The following AGBL1 variants were observed in gnomAD, a reference collection of about 807,000 sequenced individuals.
The protein encoded by AGBL1 is AGBL carboxypeptidase 1.
In AGBL1, 130 loss-of-function variants were observed where a neutral mutation model predicts 118.9. The observed-to-expected ratio is 1.09, with a 90% CI of 0.95 to 1.26. The LOEUF (loss-of-function observed/expected upper bound fraction) is 1.26. Among genes scored for constraint, AGBL1 ranks in the 50% most tolerant of loss-of-function variants. AGBL1 has a pLI of 0.00. For synonymous variants in AGBL1, 555 were observed against 478.9 expected (o/e 1.16, Z -2.08); for missense variants, 1,584 against 1,298.1 (o/e 1.22, Z -3.38).
At chr15:86,760,750 C>T (rs1025152143) in intron 22 of AGBL1, among the ~76,000 whole-genome samples, 2 of 152,018 alleles carry the variant, frequency 1.3e-5, no homozygotes, top group African/African-American at 4.8e-5. Context: ...AACTTCCTGA[C>T]AGATAAGGAA....
chr15:86,714,599 C>T (rs1168707408), intron 22 of AGBL1, among the ~76,000 whole-genome samples: 1 of 152,194 alleles, frequency 6.6e-6, no homozygotes, highest in African/African-American at 2.4e-5. Flanking sequence ...AAAAAGTTTA[C>T]AGACCCTGAA....
At chr15:86,160,780 C>G (rs2077257050) in intron 5 of AGBL1, among the ~76,000 whole-genome samples, 1 of 152,170 alleles carries the variant, frequency 6.6e-6, no homozygotes, top group Non-Finnish European at 1.5e-5. Flanking sequence ...ACATACGGGT[C>G]TCACTCAGTC....
intron 22 of AGBL1, among the ~76,000 whole-genome samples, chr15:86,743,440 G>A (rs2077708773): frequency 1.3e-5 from 2 of 151,996 alleles, no homozygotes; most frequent in African/African-American, 4.8e-5. Flanking sequence ...CACCTGGGCT[G>A]TTTTTCCCCT....
intron 19 of AGBL1, among the ~76,000 whole-genome samples, chr15:86,542,528 G>A (rs925005927): frequency 5.3e-5 from 8 of 151,800 alleles, no homozygotes; most frequent in Admixed American, 5.2e-4. Context: ...CACCATGCCT[G>A]GCCAATTTTT....
At chr15:86,778,121 G>A (rs964914941) in intron 22 of AGBL1, among the ~76,000 whole-genome samples, 17 of 152,062 alleles carry the variant, frequency 1.1e-4, no homozygotes, top group Middle Eastern at 3.2e-3. Flanking sequence ...CCCCTGAGCC[G>A]TAAAACCAGC....
At chr15:86,742,359 G>C (rs1037577144) in intron 22 of AGBL1, among the ~76,000 whole-genome samples, 2 of 152,132 alleles carry the variant, frequency 1.3e-5, no homozygotes, top group Non-Finnish European at 2.9e-5. Flanking sequence ...GAGTCCCTTT[G>C]TCAAGAAATA....
At chr15:86,700,595 A>G (rs1024380133) in intron 22 of AGBL1, among the ~76,000 whole-genome samples, 12 of 152,064 alleles carry the variant, frequency 7.9e-5, no homozygotes, top group African/African-American at 2.4e-4. Flanking sequence ...GATATAGAGC[A>G]TTAACACTTT....
intron 24 of AGBL1, among the ~76,000 whole-genome samples, chr15:86,990,530 A>C (rs1390899312): frequency 6.6e-6 from 1 of 152,114 alleles, no homozygotes; most frequent in Non-Finnish European, 1.5e-5. Flanking sequence ...AAAAAAGAGA[A>C]AGGTTTGGGT....
intron 23 of AGBL1, among the ~76,000 whole-genome samples, chr15:86,943,592 T>G (rs1057354954): frequency 1.8e-4 from 27 of 152,212 alleles, no homozygotes; most frequent in Admixed American, 1.7e-3. Context: ...CACCCTAATC[T>G]TTTGTTATGC....
chr15:86,882,274 G>A (rs886372808), intron 22 of AGBL1, among the ~76,000 whole-genome samples: 12 of 152,072 alleles, frequency 7.9e-5, no homozygotes, highest in African/African-American at 2.2e-4. Flanking sequence ...AAAATCTCAC[G>A]TCCCATCGAT....
At chr15:86,931,829 A>C (rs2080610052) in intron 23 of AGBL1, among the ~76,000 whole-genome samples, 1 of 152,202 alleles carries the variant, frequency 6.6e-6, no homozygotes. Flanking sequence ...TAAATATATA[A>C]GCAAAATGAA....
In AGBL1 at chr15:86,674,326, G is replaced by T; in HGVS notation, c.3048G>T (p.Leu1016Phe). The stretch of plus-strand genomic sequence containing the variant: ...AGGAGATGGGAGCCATGTTCTGTTT[G>T]GGCCTCCTCATCCTGGAGCTCAAAT... ...ELEEMGAMFC[L>F]GLLILELKSA... The change falls in exon 22 of 23, where the codon TTG becomes TTT. Residue 1016 changes from leucine (L) to phenylalanine (F), a missense_variant. Transcript: ENST00000614907. 1.2e-6 allele frequency: 2 copies of T among 1,611,974 alleles called. No homozygotes were observed. Among genetic ancestry groups the T allele is most frequent in the Non-Finnish European group, 1.7e-6 (2 of 1,179,072 alleles).
intron 22 of AGBL1, among the ~76,000 whole-genome samples, chr15:86,718,261 A>T (rs1372324794): frequency 2.0e-5 from 3 of 151,996 alleles, no homozygotes; most frequent in Non-Finnish European, 4.4e-5. Flanking sequence ...AGCTGGAAAC[A>T]ATCATTCTGA....
intron 21 of AGBL1, among the ~76,000 whole-genome samples, chr15:86,656,552 G>T (rs983871412): frequency 1.8e-4 from 27 of 152,226 alleles, no homozygotes; most frequent in African/African-American, 5.5e-4. Flanking sequence ...GCCAGACTTT[G>T]GTAGTGCACT....
chr15:86,125,012 T>A (rs1173269650), intron 1 of AGBL1, among the ~76,000 whole-genome samples: 2 of 152,216 alleles, frequency 1.3e-5, no homozygotes, highest in Non-Finnish European at 2.9e-5. Flanking sequence ...ATAATGGCTT[T>A]GCAGCATCTC....
At chr15:86,545,674 T>G (rs1464742040) in intron 19 of AGBL1, among the ~76,000 whole-genome samples, 2 of 152,166 alleles carry the variant, frequency 1.3e-5, no homozygotes, top group Non-Finnish European at 2.9e-5. Flanking sequence ...CTATTTTCTT[T>G]TCCAGCTTTG....
At chr15:86,222,536 A>T (rs771598571) in intron 5 of AGBL1, among the ~76,000 whole-genome samples, 4 of 152,098 alleles carry the variant, frequency 2.6e-5, no homozygotes, top group Non-Finnish European at 5.9e-5. Flanking sequence ...TCAATTTAAA[A>T]AACCAAATGG....
chr15:86,554,419 T>C lies in AGBL1; in HGVS notation c.2876T>C (p.Phe959Ser). 1 of 1,588,828 alleles carries C rather than the reference T, an allele frequency of 6.3e-7. No individual in the cohort carries two copies. The highest frequency in any genetic ancestry group is 8.6e-7 in the Non-Finnish European group (1 of 1,167,274). The change falls in exon 21 of 23, where the codon TTT becomes TCT. Residue 959 changes from phenylalanine (F) to serine (S), a missense_variant. Coordinates refer to ENST00000614907, the MANE Select transcript of AGBL1 (RefSeq NM_001386094.1). ...GCATTCACAATGAGCAGCTGCAGCT[T>C]TCTCGTGGAGAAATCTCGAGCTTCC... ...APAFTMSSCSFLVEKSRASTA... is the reference protein window; with the variant it reads ...APAFTMSSCSSLVEKSRASTA...
At chr15:86,498,285 A>G (rs1459181505) in intron 18 of AGBL1, among the ~76,000 whole-genome samples, 1 of 151,936 alleles carries the variant, frequency 6.6e-6, no homozygotes, top group Non-Finnish European at 1.5e-5. Context: ...GGCAGGCTTC[A>G]ATAACTAGAC....
Sources: allele counts gnomAD v4.1 joint callset (sites outside exome capture counted in the v4.1 genomes callset), GRCh38; gene constraint gnomAD v4.1.1; transcripts MANE v1.5; gene names NCBI Gene and HGNC (gene_info 2026-07-23, HGNC 2026-07-21).